TIAM2: variants seen among roughly 807,000 people sequenced by gnomAD.
TIAM2 encodes rho guanine nucleotide exchange factor TIAM2.
TIAM2 carries 80 observed loss-of-function variants against 152.9 expected under a neutral mutation model. The observed-to-expected ratio is 0.52, with a 90% CI of 0.44 to 0.63. The LOEUF is 0.63. Among genes scored for constraint, TIAM2 ranks in the 30% least tolerant of loss-of-function variants. The pLI, the probability that TIAM2 is intolerant of heterozygous loss-of-function variation, is 0.00. For missense variants in TIAM2, 1,965 were observed against 2,120.1 expected (o/e 0.93, Z 1.44); for synonymous variants, 804 against 838.0 (o/e 0.96, Z 0.70).
chr6:155,207,325 A>G (rs1437144694), intron 14 of TIAM2, among the ~76,000 whole-genome samples: 11 of 152,208 alleles, frequency 7.2e-5, no homozygotes, highest in African/African-American at 2.7e-4. Context: ...TTACGGGGAT[A>G]CAGGTCCTGG....
At chr6:155,039,892 T>C (rs1276687847) in intron 1 of TIAM2, among the ~76,000 whole-genome samples, 1 of 152,182 alleles carries the variant, frequency 6.6e-6, no homozygotes, top group Non-Finnish European at 1.5e-5. Flanking sequence ...ACTTGACAAG[T>C]AGCTAGGAAG....
At chr6:155,246,824 G>A (rs142978342) in intron 19 of TIAM2, among the ~76,000 whole-genome samples, 1 of 152,210 alleles carries the variant, frequency 6.6e-6, no homozygotes, top group East Asian at 1.9e-4. Context: ...AAATGGTATT[G>A]CATCTCCTAG....
intron 1 of TIAM2, among the ~76,000 whole-genome samples, chr6:155,061,053 C>T (rs1443521912): frequency 1.3e-5 from 2 of 152,188 alleles, no homozygotes; most frequent in Non-Finnish European, 2.9e-5. Flanking sequence ...TGGTTCCTTT[C>T]ACTGGAGAAT....
chr6:155,241,543 A>G (rs1783036291), intron 16 of TIAM2, among the ~76,000 whole-genome samples: 1 of 152,158 alleles, frequency 6.6e-6, no homozygotes, highest in African/African-American at 2.4e-5. Context: ...TGCTGGGTCC[A>G]TGAATTAAGG....
At chr6:155,209,319 G>A (rs997921379) in intron 14 of TIAM2, among the ~76,000 whole-genome samples, 1 of 152,122 alleles carries the variant, frequency 6.6e-6, no homozygotes, top group African/African-American at 2.4e-5. Context: ...GCGCATGAAC[G>A]GGGAGATACA....
chr6:155,250,808 C>A, intron 21 of TIAM2, 105 bp from the exon 22 acceptor site: 1 of 1,278,694 alleles, frequency 7.8e-7, no homozygotes, highest in Non-Finnish European at 1.1e-6. Flanking sequence ...ATTAAACCAG[C>A]TGTGCTTGCA....
At chr6:155,191,260 C>A (rs1781197422) in intron 14 of TIAM2, among the ~76,000 whole-genome samples, 1 of 152,206 alleles carries the variant, frequency 6.6e-6, no homozygotes, top group Non-Finnish European at 1.5e-5. Context: ...TTGGACAAGT[C>A]ACTTAACCTG....
At chr6:155,158,078 G>A (rs1489094943) in intron 7 of TIAM2, among the ~76,000 whole-genome samples, 1 of 152,166 alleles carries the variant, frequency 6.6e-6, no homozygotes, top group African/African-American at 2.4e-5. Context: ...TGGAACGGGA[G>A]TTTTTCAGCT....
intron 2 of TIAM2, among the ~76,000 whole-genome samples, chr6:155,097,462 C>T (rs1366635178): frequency 6.6e-6 from 1 of 152,174 alleles, no homozygotes; most frequent in Non-Finnish European, 1.5e-5. Context: ...CCATTTCAGT[C>T]TCCTGAGTAG....
intron 1 of TIAM2, among the ~76,000 whole-genome samples, chr6:155,084,923 T>C (rs1583181997): frequency 6.6e-6 from 1 of 152,172 alleles, no homozygotes; most frequent in East Asian, 1.9e-4. Context: ...TATGATGTAG[T>C]CTTACCTAAT....
In TIAM2 at chr6:155,251,007, A is replaced by G. The variant is rs1783622598; in HGVS notation, c.4046A>G (p.Glu1349Gly). The change falls in exon 22 of 27, where the codon GAG becomes GGG. Residue 1349 changes from glutamate (E) to glycine (G), a missense_variant. Physicochemically the swap from Glu to Gly is moderately conservative, Grantham distance 98. Transcript: ENST00000682666. ...CTAGGAAAAGCTAGAAAGGACCTTG[A>G]GCTCACAGTATTTGGTTAGTATTCC... Reference protein sequence around the residue: ...LSLGKARKDLELTVFVFKRAV... With the variant: ...LSLGKARKDLGLTVFVFKRAV... 1 of 1,613,926 alleles carries G rather than the reference A, an allele frequency of 6.2e-7. No homozygotes were observed. Among genetic ancestry groups the G allele is most frequent in the Non-Finnish European group, 8.5e-7 (1 of 1,179,950 alleles).
chr6:155,025,104 GC>G (rs1205189737), intron 1 of TIAM2, among the ~76,000 whole-genome samples: 1 of 152,004 alleles, frequency 6.6e-6, no homozygotes, highest in Non-Finnish European at 1.5e-5. Flanking sequence ...TCGGCTCACT[GC>G]AACCTCTGCC....
Position 155,131,610 on chromosome 6 carries a change from C to T in TIAM2, c.1194+1193C>T, listed in dbSNP as rs1284314689. Among the ~76,000 whole-genome samples the T allele has an allele frequency of 4.7e-5, 7 of 148,252 alleles. No individual in the cohort carries two copies. The South Asian group carries it at 1.1e-3, about 23-fold the overall frequency. On this transcript the variant is annotated intron_variant, in intron 4 of 26. Coordinates refer to ENST00000682666, the MANE Select transcript of TIAM2 (RefSeq NM_012454.4). ...TTTTCTTTTTTTTGAGACAGAGTATCGCTCCGTTGTACAGGCTGGAGTACA... is the reference window on the plus strand; with the variant it reads ...TTTTCTTTTTTTTGAGACAGAGTATTGCTCCGTTGTACAGGCTGGAGTACA...
intron 26 of TIAM2, chr6:155,254,805 T>C (rs1293380796): frequency 5.8e-6 from 3 of 521,358 alleles, no homozygotes; most frequent in Non-Finnish European, 1.0e-5. Context: ...AGTCCAAATG[T>C]ACGATTTTGT....
At chr6:155,029,455 T>TAATATATAC (rs1484006742) in intron 1 of TIAM2, among the ~76,000 whole-genome samples, 1 of 41,752 alleles carries the variant, frequency 2.4e-5, no homozygotes, top group Non-Finnish European at 4.3e-5. Context: ...ATAGTATATA[T>TAATATATAC]TATATATAAT....
At position 155,048,815 on chromosome 6, in the gene TIAM2, T is replaced by A. The variant is rs1485703019; in HGVS notation, c.-208-41474T>A. Reference sequence around the variant, plus strand: ...ATCCACTCTTTGTTTTTTTTTTTTGTTTTGAGATGGAATCTCACTCTGTTT... The same window carrying A: ...ATCCACTCTTTGTTTTTTTTTTTTGATTTGAGATGGAATCTCACTCTGTTT... On this transcript the variant is annotated intron_variant, in intron 1 of 26. Coordinates refer to ENST00000682666, the MANE Select transcript of TIAM2 (RefSeq NM_012454.4). Among the ~76,000 whole-genome samples the A allele has an allele frequency of 4.6e-5, 7 of 151,582 alleles. No homozygotes were observed. In the East Asian group the frequency reaches 1.2e-3, roughly 25 times the overall value.
At chr6:155,072,274 AT>A (rs1777855544) in intron 1 of TIAM2, among the ~76,000 whole-genome samples, 1 of 152,120 alleles carries the variant, frequency 6.6e-6, no homozygotes, top group African/African-American at 2.4e-5. Context: ...TGGAGGAGAG[AT>A]TTGTGGAGAG....
chr6:155,047,756 G>A (rs13202009), intron 1 of TIAM2, among the ~76,000 whole-genome samples: 22,259 of 140,840 alleles, frequency 0.16, 2,091 homozygotes, highest in African/African-American at 0.22. Context: ...CGAGCGCACA[G>A]AAGACTTGAG....
intron 2 of TIAM2, among the ~76,000 whole-genome samples, chr6:155,094,634 C>A (rs1778375105): frequency 7.1e-6 from 1 of 141,094 alleles, no homozygotes; most frequent in Non-Finnish European, 1.5e-5. Context: ...ACTGCAGCTT[C>A]AAACTCCTGG....
Sources: gnomAD v4.1 joint callset for allele counts (sites outside exome capture counted in the v4.1 genomes callset) on GRCh38, gnomAD v4.1.1 for gene constraint, MANE v1.5 for transcripts, NCBI Gene and HGNC (gene_info 2026-07-23, HGNC 2026-07-21) for gene names.